The following CHD4 variants were observed in gnomAD, a reference collection of about 807,000 sequenced individuals.
CHD4 encodes chromodomain helicase DNA binding protein 4, also known as ATP-dependent chromatin remodeler CHD4.
A neutral mutation model predicts 235.5 loss-of-function variants in CHD4; 35 were observed. That is an observed-to-expected ratio of 0.15 (90% CI 0.11 to 0.20). The LOEUF (loss-of-function observed/expected upper bound fraction) is 0.20. Among genes scored for constraint, CHD4 ranks in the 10% least tolerant of loss-of-function variants. The pLI is 1.00. For missense variants in CHD4, 1,329 were observed against 2,432.3 expected, an observed-to-expected ratio of 0.55 and a Z score of 9.54; for synonymous variants, 900 against 850.2, an observed-to-expected ratio of 1.06 and a Z score of -1.02.
chr12:6,578,113 T>C lies in CHD4; in HGVS notation c.5144A>G (p.Glu1715Gly). Residue 1715 changes from glutamate (E) to glycine (G), a missense_variant, in exon 36 of 40, where the codon GAA becomes GGA. Physicochemically the swap from Glu to Gly is moderately conservative, Grantham distance 98 (BLOSUM62 -2). Coordinates refer to ENST00000544040, the MANE Select transcript of CHD4 (RefSeq NM_001273.5). ...CTTGGTAACTGTGGCTGCCCGCTCT[T>C]CATTCTGCCAAAGGGAGTGCAACTC... ...FTELHSLWQN[E>G]ERAATVTKKT... The C allele has an allele frequency of 6.2e-7, 1 of 1,613,010 alleles. No individual in the cohort carries two copies. The highest frequency in any genetic ancestry group is 8.5e-7 in the Non-Finnish European group (1 of 1,180,012).
At chr12:6,577,674 GA>G (rs1474139870) in intron 37 of CHD4, 110 bp downstream of exon 37, 1 of 1,420,166 alleles carries the variant, frequency 7.0e-7, no homozygotes. Flanking sequence ...GCCTTCCATA[GA>G]ATGAAGAAAG....
chr12:6,572,964 A>G, intron 38 of CHD4, 110 bp downstream of exon 38: 10 of 1,117,624 alleles, frequency 8.9e-6, no homozygotes, highest in Non-Finnish European at 1.3e-5. Context: ...AGCACCTCCT[A>G]AACTCCCAGA....
intron 37 of CHD4, 117 bp from the exon 38 acceptor site, chr12:6,573,386 C>A: frequency 1.2e-6 from 1 of 804,516 alleles, no homozygotes; most frequent in East Asian, 3.3e-5. Context: ...CTATGAAGAA[C>A]TTCATGGACA....
Position 6,581,107 on chromosome 12 carries a change from C to G in CHD4, c.4846G>C (p.Glu1616Gln). 6.2e-7 allele frequency: 1 copy of G among 1,614,188 alleles called. No individual in the cohort carries two copies. Among genetic ancestry groups the G allele is most frequent in the Non-Finnish European group, 8.5e-7 (1 of 1,180,040 alleles). Residue 1616 changes from glutamate to glutamine, a missense_variant, in exon 33 of 40, where the codon GAG (glutamate) becomes CAG (glutamine). Around this residue, in one of 26 missense-constraint regions of CHD4, gnomAD observed 219 missense variants for 219.3 expected, o/e 1.00. Transcript: ENST00000544040. ...KVVVEPPEGEEKVEKAEVKER... is the reference protein window; with the variant it reads ...KVVVEPPEGEQKVEKAEVKER... ...TTCACCTCTGCCTTTTCCACTTTCT[C>G]CTCTCCCTCAGGGGGTTCAACAACG... is the stretch of plus-strand genomic sequence containing the variant.
At position 6,588,049 on chromosome 12, in the gene CHD4, C is replaced by G; in HGVS notation, c.3466-100G>C. ...TTCTAAATTCAGTACAAGGCAAGGTCCACAGCCTACATTCATAGGAAACTT... is the reference window on the plus strand; with the variant it reads ...TTCTAAATTCAGTACAAGGCAAGGTGCACAGCCTACATTCATAGGAAACTT... On this transcript the variant is annotated intron_variant, in intron 23 of 39. Transcript: ENST00000544040. 13 of 1,285,980 alleles carry G rather than the reference C, an allele frequency of 1.0e-5. No homozygotes were observed. In the South Asian group the frequency reaches 1.7e-4, roughly 17 times the overall value. 79.7% of individuals were successfully genotyped at this position (1,285,980 alleles called of 1,614,324 possible).
chr12:6,572,954 A>G lies in CHD4; in HGVS notation c.5557+120T>C, dbSNP rs1299708297. 3.2e-6 allele frequency: 3 copies of G among 951,200 alleles called. No individual in the cohort carries two copies. The African/African-American group carries it at 5.2e-5, about 16-fold the overall frequency. The allele number at this position is 951,200 out of a possible 1,614,324, so 58.9% of individuals were successfully genotyped here. ...CCTCCCAAGGATGGCAAAGATCCCTAGCACCTCCTAAACTCCCAGACAAAG... is the reference window on the plus strand; with the variant it reads ...CCTCCCAAGGATGGCAAAGATCCCTGGCACCTCCTAAACTCCCAGACAAAG... On this transcript the variant is annotated intron_variant, in intron 38 of 39. Coordinates refer to ENST00000544040, the MANE Select transcript of CHD4 (RefSeq NM_001273.5).
rs542006656 is a variant in CHD4, at chr12:6,601,795, C to T, written c.439-29G>A. 4 of 1,595,796 alleles carry T rather than the reference C, an allele frequency of 2.5e-6. No individual in the cohort carries two copies. In the African/African-American group the frequency reaches 4.0e-5, roughly 16 times the overall value. ...CAGAAAGAGCAAAGTCAAGTAAGTA[C>T]CTGCCACCTAGTGCCCACACTTGCT... is the stretch of plus-strand genomic sequence containing the variant. On this transcript the variant is annotated intron_variant, in intron 4 of 39. Transcript: ENST00000544040.
rs1948528262 is a variant in CHD4 at position 6,597,944 on chromosome 12, G to A, written c.1842C>T (p.Arg614=). Reference sequence around the variant, plus strand: ...TCATCCACTCGGGTTTTATCCCATAGCGATAGAAGCGTTCCTCCATCTCTG... The same window carrying A: ...TCATCCACTCGGGTTTTATCCCATAACGATAGAAGCGTTCCTCCATCTCTG... ...KFAEMEERFY[R]YGIKPEWMMI... The change falls in exon 12 of 40, where the codon CGC becomes CGT. Residue 614 remains arginine (R), a synonymous_variant. Transcript: ENST00000544040. The A allele has an allele frequency of 6.2e-7, 1 of 1,614,156 alleles. No homozygotes were observed. Among genetic ancestry groups the A allele is most frequent in the Non-Finnish European group, 8.5e-7 (1 of 1,180,028 alleles).
At position 6,578,487 on chromosome 12, in the gene CHD4, T is replaced by TG; in HGVS notation, c.5040dup (p.Lys1681GlnfsTer5). ...TTCTGTTTCTCATCATTCAGGTCCTTGGGGGTCTCTCCATTCTGAAGCATC... is the reference window on the plus strand; with the variant it reads ...TTCTGTTTCTCATCATTCAGGTCCTTGGGGGGTCTCTCCATTCTGAAGCATC... On this transcript the variant is annotated frameshift_variant, in exon 35 of 40. Transcript: ENST00000544040. LOFTEE classifies it high-confidence loss of function. 1 of 1,613,930 alleles carries TG rather than the reference T, an allele frequency of 6.2e-7. No individual in the cohort carries two copies. The highest frequency in any genetic ancestry group is 8.5e-7 in the Non-Finnish European group (1 of 1,179,996).
intron 2 of CHD4, among the ~76,000 whole-genome samples, chr12:6,605,251 A>C (rs1948671462): frequency 6.6e-6 from 1 of 152,218 alleles, no homozygotes; most frequent in South Asian, 2.1e-4. Flanking sequence ...TGAGAAGAAA[A>C]CTAGAAGCAG....
chr12:6,592,316 A>T, intron 19 of CHD4, 77 bp downstream of exon 19: 1 of 1,502,706 alleles, frequency 6.7e-7, no homozygotes, highest in Non-Finnish European at 8.9e-7. Flanking sequence ...CTTGAAGCTG[A>T]GTGGGGGAGG....
chr12:6,593,739 C>CTGCTCTCACCTTCCTCTATACA lies in CHD4; in HGVS notation c.2314-145_2314-124dup. ...GACTGACACACCTGCGCTGCTGCTC[C>CTGCTCTCACCTTCCTCTATACA]TGCTCTCACCTTCCTCTATACAAGT... On this transcript the variant is annotated intron_variant, in intron 15 of 39. Coordinates refer to ENST00000544040, the MANE Select transcript of CHD4 (RefSeq NM_001273.5). This position sits in a 1 kb window ranked among gnomAD's most constrained non-coding sequence, Gnocchi z 4.9. 1 of 790,198 alleles carries CTGCTCTCACCTTCCTCTATACA rather than the reference C, an allele frequency of 1.3e-6. No individual in the cohort carries two copies. The highest frequency in any genetic ancestry group is 2.0e-6 in the Non-Finnish European group (1 of 492,416). The allele number at this position is 790,198 out of a possible 1,614,324, so 48.9% of individuals were successfully genotyped here.
intron 29 of CHD4, 103 bp from the exon 30 acceptor site, chr12:6,582,384 C>T: frequency 7.2e-7 from 1 of 1,393,144 alleles, no homozygotes; most frequent in Non-Finnish European, 9.7e-7. Flanking sequence ...ACTATGGCTC[C>T]ACCTTGAGGT....
chr12:6,570,771 C>A, intron 39 of CHD4, 78 bp from the exon 40 acceptor site: 1 of 1,611,094 alleles, frequency 6.2e-7, no homozygotes, highest in South Asian at 1.1e-5. Context: ...ACTGATAGGC[C>A]ACCCACCCAG....
At position 6,582,412 on chromosome 12, in the gene CHD4, G is replaced by A. The variant is rs374516089; in HGVS notation, c.4371-131C>T. The A allele has an allele frequency of 4.9e-4, 638 of 1,311,572 alleles. 4 individuals are homozygous for A. In the East Asian group the frequency reaches 0.012, roughly 24 times the overall value. 81.2% of individuals were successfully genotyped at this position (1,311,572 alleles called of 1,614,324 possible). ...CTTGAGGTAAAGCCCACCACTGCAC[G>A]GGAAGGCTGATCTCTAGACCCCACA... On this transcript the variant is annotated intron_variant, in intron 29 of 39. Transcript: ENST00000544040.
At position 6,602,495 on chromosome 12, in the gene CHD4, T is replaced by G; in HGVS notation, c.103A>C (p.Asn35His). Residue 35 changes from asparagine to histidine, a missense_variant and splice_region_variant, in exon 3 of 40, where the codon AAT becomes CAT. Physicochemically the swap from Asn to His is moderately conservative, Grantham distance 68. This residue lies in a region of CHD4 where 213 missense variants were observed against 177.5 expected (regional missense o/e 1.20). Transcript: ENST00000544040. ...NNSLPPPHPE[N>H]EEDPEEDLSE... ...AAATCCTCTTCTGGGTCCTCTTCAT[T>G]TTCTACATATATTTGGCAAAGAGTG... 1 of 1,611,450 alleles carries G rather than the reference T, an allele frequency of 6.2e-7. No individual in the cohort carries two copies. Among genetic ancestry groups the G allele is most frequent in the Non-Finnish European group, 8.5e-7 (1 of 1,179,452 alleles).
chr12:6,573,321 C>T (rs1948012095), intron 37 of CHD4, 52 bp from the exon 38 acceptor site: 1 of 1,443,454 alleles, frequency 6.9e-7, no homozygotes. Context: ...TCACTTTACT[C>T]ACTTCTGACT....
chr12:6,593,277 G>C lies in CHD4; in HGVS notation c.2515-49C>G, dbSNP rs1191760406. ...ACTACTAGTCAGTTCCTCTGTGTAA[G>C]CACAACCAGGAGACTGATGGAATGT... On this transcript the variant is annotated intron_variant, in intron 16 of 39. Coordinates refer to ENST00000544040, the MANE Select transcript of CHD4 (RefSeq NM_001273.5). The surrounding 1 kb of genome is among the most constrained non-coding windows in gnomAD (Gnocchi z 4.9). 4.3e-6 allele frequency: 7 copies of C among 1,611,432 alleles called. No individual in the cohort carries two copies. The East Asian group carries it at 6.7e-5, about 15-fold the overall frequency.
intron 12 of CHD4, among the ~76,000 whole-genome samples, chr12:6,596,989 G>A (rs1331926222): frequency 6.6e-6 from 1 of 150,488 alleles, no homozygotes; most frequent in Non-Finnish European, 1.5e-5. Flanking sequence ...AAATAAATAG[G>A]CCGAGTGCGG....
Sources: allele counts gnomAD v4.1 joint callset (sites outside exome capture counted in the v4.1 genomes callset), GRCh38; gene constraint gnomAD v4.1.1; regional missense constraint gnomAD v4.1.1; non-coding constraint Gnocchi (gnomAD v3.1); transcripts MANE v1.5; gene names NCBI Gene and HGNC (gene_info 2026-07-23, HGNC 2026-07-21).